The following EGFLAM variants were observed in gnomAD, a reference collection of about 807,000 sequenced individuals.
EGFLAM encodes EGF like, fibronectin type III and laminin G domains.
In EGFLAM, 79 loss-of-function variants were observed where a neutral mutation model predicts 113.1. The ratio of observed to expected loss-of-function variants is 0.70; its 90% CI spans 0.58 to 0.84. The LOEUF is 0.84. Among genes scored for constraint, EGFLAM ranks in the 40% least tolerant of loss-of-function variants. The pLI, the probability that EGFLAM is intolerant of heterozygous loss-of-function variation, is 0.00. For missense variants in EGFLAM, 1,265 were observed against 1,291.6 expected, an observed-to-expected ratio of 0.98 and a Z score of 0.32; for synonymous variants, 504 against 487.6, an observed-to-expected ratio of 1.03 and a Z score of -0.44.
chr5:38,387,415 C>T (rs1437108681), intron 6 of EGFLAM, among the ~76,000 whole-genome samples: 1 of 152,192 alleles, frequency 6.6e-6, no homozygotes, highest in Non-Finnish European at 1.5e-5. Context: ...TCCCAACTGT[C>T]TCCAGGAGCC....
At chr5:38,350,856 T>C (rs1046479418) in intron 4 of EGFLAM, among the ~76,000 whole-genome samples, 1 of 152,132 alleles carries the variant, frequency 6.6e-6, no homozygotes, top group African/African-American at 2.4e-5. Context: ...TGTAGGAATG[T>C]ACAACACAGG....
chr5:38,416,624 A>G (rs1741650942), intron 11 of EGFLAM, among the ~76,000 whole-genome samples: 1 of 152,168 alleles, frequency 6.6e-6, no homozygotes, highest in African/African-American at 2.4e-5. Context: ...CCTACAAGGC[A>G]CTTTATGCTC....
At chr5:38,282,210 G>T (rs1039742594) in intron 1 of EGFLAM, 1 of 152,168 alleles carries the variant, frequency 6.6e-6, no homozygotes, top group Non-Finnish European at 1.5e-5. Context: ...AATTAATTAG[G>T]TCACCTCCAT....
chr5:38,352,275 A>G lies in EGFLAM; in HGVS notation c.489A>G (p.Lys163=), dbSNP rs1739647458. 6.2e-7 allele frequency: 1 copy of G among 1,613,846 alleles called. No individual in the cohort carries two copies. Among genetic ancestry groups the G allele is most frequent in the South Asian group, 1.1e-5 (1 of 91,076 alleles). The part of the protein sequence containing the change: ...VSDSEVALSW[K]PGASEGSAPI... ...ATTCTGAGGTGGCCCTGTCTTGGAA[A>G]CCTGGAGCGAGTGAAGGAAGCGCCC... Residue 163 remains lysine (K), a synonymous_variant, in exon 5 of 22, where the codon AAA becomes AAG. Coordinates refer to ENST00000322350, the MANE Select transcript of EGFLAM (RefSeq NM_152403.4).
intron 1 of EGFLAM, among the ~76,000 whole-genome samples, chr5:38,335,031 C>A (rs1351147400): frequency 6.6e-6 from 1 of 152,076 alleles, no homozygotes; most frequent in African/African-American, 2.4e-5. Flanking sequence ...TGCAAAAGGG[C>A]AGCCCCCACA....
intron 10 of EGFLAM, among the ~76,000 whole-genome samples, chr5:38,412,096 G>A (rs1045901955): frequency 1.8e-4 from 27 of 152,290 alleles, no homozygotes; most frequent in African/African-American, 6.3e-4. Flanking sequence ...CACCATGCCT[G>A]GCCTAATGTC....
chr5:38,428,077 G>A (rs765001537), intron 14 of EGFLAM, among the ~76,000 whole-genome samples: 22 of 152,194 alleles, frequency 1.4e-4, no homozygotes, highest in Non-Finnish European at 3.1e-4. Flanking sequence ...ATGCAGACAT[G>A]CTTCTTGTTC....
At chr5:38,282,619 CCA>C (rs1201058428) in intron 1 of EGFLAM, 1 of 131,906 alleles carries the variant, frequency 7.6e-6, no homozygotes, top group Non-Finnish European at 1.6e-5. Flanking sequence ...TGGTGAGGCC[CCA>C]GAGGTTATGG....
At chr5:38,454,315 C>G (rs898426699) in intron 19 of EGFLAM, among the ~76,000 whole-genome samples, 1 of 152,136 alleles carries the variant, frequency 6.6e-6, no homozygotes, top group African/African-American at 2.4e-5. Flanking sequence ...CCCTGAGAAA[C>G]AGGGTCTGAA....
At chr5:38,394,105 T>G (rs1366731800) in intron 6 of EGFLAM, among the ~76,000 whole-genome samples, 1 of 151,892 alleles carries the variant, frequency 6.6e-6, no homozygotes, top group Admixed American at 6.6e-5. Flanking sequence ...TCTCCAGCAC[T>G]CAGTTGCTTC....
intron 1 of EGFLAM, among the ~76,000 whole-genome samples, chr5:38,325,917 TATA>T (rs970182722): frequency 2.6e-5 from 4 of 151,966 alleles, no homozygotes; most frequent in Admixed American, 1.3e-4. Context: ...AAATTAAAAT[TATA>T]ATAATTATAG....
At chr5:38,446,828 A>G (rs1210185837) in intron 17 of EGFLAM, among the ~76,000 whole-genome samples, 1 of 152,010 alleles carries the variant, frequency 6.6e-6, no homozygotes, top group Non-Finnish European at 1.5e-5. Context: ...GCCCATTGTC[A>G]TAGGCTTTGC....
intron 1 of EGFLAM, among the ~76,000 whole-genome samples, chr5:38,264,934 G>T (rs935061091): frequency 3.9e-5 from 6 of 152,086 alleles, no homozygotes; most frequent in Non-Finnish European, 8.8e-5. Context: ...CCCTCCTATT[G>T]GTTTCAACAT....
intron 1 of EGFLAM, among the ~76,000 whole-genome samples, chr5:38,300,563 A>T (rs773877509): frequency 2.6e-5 from 4 of 152,140 alleles, no homozygotes; most frequent in Non-Finnish European, 4.4e-5. Context: ...TTTAGTACAG[A>T]CGAGCTTTCA....
In EGFLAM at chr5:38,427,197, G is replaced by T. The variant is rs1162128369; in HGVS notation, c.1999G>T (p.Ala667Ser). 12 of 1,614,140 alleles carry T rather than the reference G, an allele frequency of 7.4e-6. No homozygotes were observed. The East Asian group carries it at 2.5e-4, about 33-fold the overall frequency. Residue 667 changes from alanine to serine, a missense_variant, in exon 14 of 22, where the codon GCA becomes TCA. Physicochemically the swap from Ala to Ser is moderately conservative, Grantham distance 99. Coordinates refer to ENST00000322350, the MANE Select transcript of EGFLAM (RefSeq NM_152403.4). ...CAAAGACTTCCTGTCCATCAACTTG[G>T]CAGGGGGCCACGTGGAGTTCCGCTT... is the stretch of plus-strand genomic sequence containing the variant. Reference protein sequence around the residue: ...GSKDFLSINLAGGHVEFRFDC... With the variant: ...GSKDFLSINLSGGHVEFRFDC...
rs539994060 is a variant in EGFLAM at position 38,323,705 on chromosome 5, C to T, written c.98-13815C>T. ...ATGTTTCTATGTAACAGATAAGATCCCACAAGACTTCAGAATTATAACCAT... is the reference window on the plus strand; with the variant it reads ...ATGTTTCTATGTAACAGATAAGATCTCACAAGACTTCAGAATTATAACCAT... On this transcript the variant is annotated intron_variant, in intron 1 of 21. Transcript: ENST00000322350. Among the ~76,000 whole-genome samples the T allele has an allele frequency of 3.3e-5, 5 of 151,770 alleles. No individual in the cohort carries two copies. In the East Asian group the frequency reaches 9.7e-4, roughly 29 times the overall value.
intron 1 of EGFLAM, among the ~76,000 whole-genome samples, chr5:38,300,181 G>A (rs1339507175): frequency 6.6e-6 from 1 of 152,180 alleles, no homozygotes; most frequent in African/African-American, 2.4e-5. Context: ...CCAGTGAAAA[G>A]TCCCGAGGTG....
chr5:38,357,116 G>A (rs569995709), intron 5 of EGFLAM, among the ~76,000 whole-genome samples: 1 of 152,268 alleles, frequency 6.6e-6, no homozygotes, highest in South Asian at 2.1e-4. Context: ...AATTAGCTAG[G>A]TGTGATATTG....
At chr5:38,298,078 G>A (rs981215809) in intron 1 of EGFLAM, among the ~76,000 whole-genome samples, 4 of 152,098 alleles carry the variant, frequency 2.6e-5, no homozygotes, top group Middle Eastern at 3.2e-3. Flanking sequence ...TGAAGACTCC[G>A]GAAACATCTC....
Sources: gnomAD v4.1 joint callset for allele counts (sites outside exome capture counted in the v4.1 genomes callset) on GRCh38, gnomAD v4.1.1 for gene constraint, MANE v1.5 for transcripts, NCBI Gene and HGNC (gene_info 2026-07-23, HGNC 2026-07-21) for gene names.